Variants in NPIPB8 observed in about 807,000 individuals in gnomAD.
NPIPB8 encodes nuclear pore complex interacting protein family member B8, also known as nuclear pore complex-interacting protein family member B8.
In NPIPB8, 3 loss-of-function variants were observed where a neutral mutation model predicts 5.3. The ratio of observed to expected loss-of-function variants is 0.57; its 90% CI spans 0.26 to 1.47. NPIPB8 has a LOEUF of 1.47. Ranked by LOEUF, NPIPB8 falls within the 40% of genes most tolerant of loss-of-function variation. The pLI, the probability that NPIPB8 is intolerant of heterozygous loss-of-function variation, is 0.13. For synonymous variants in NPIPB8, 18 were observed against 23.0 expected (o/e 0.78, Z 0.62); for missense variants, 50 against 50.2 (o/e 1.00, Z 0.01).
At chr16:28,644,323 G>A (rs1255451038) in intron 2 of NPIPB8, among the ~76,000 whole-genome samples, 15 of 116,244 alleles carry the variant, frequency 1.3e-4, no homozygotes, top group African/African-American at 4.2e-4. Context: ...AATTTGAACC[G>A]GATCCTTTCC....
At chr16:28,645,039 CTTT>C (rs1241912180) in intron 2 of NPIPB8, among the ~76,000 whole-genome samples, 3 of 66,306 alleles carry the variant, frequency 4.5e-5, no homozygotes, top group African/African-American at 2.0e-4. Flanking sequence ...GGTTTGATGA[CTTT>C]TTTTTTTTTT....
At chr16:28,645,568 C>T (rs1596682987) in intron 2 of NPIPB8, among the ~76,000 whole-genome samples, 1 of 1,226 alleles carries the variant, frequency 8.2e-4, no homozygotes, top group East Asian at 6.9e-3. Context: ...CAGACATGTG[C>T]CACCACTCCC....
At chr16:28,639,457 T>TATA (rs1476845046) in intron 2 of NPIPB8, among the ~76,000 whole-genome samples, 108 of 85,262 alleles carry the variant, frequency 1.3e-3, no homozygotes, top group Middle Eastern at 5.3e-3. Context: ...ATATATATAT[T>TATA]TTTTTTTTTT....
chr16:28,642,121 GAC>G (rs1301471309), intron 2 of NPIPB8, among the ~76,000 whole-genome samples: 2 of 146,970 alleles, frequency 1.4e-5, no homozygotes, highest in South Asian at 2.1e-4. Flanking sequence ...TTTTTTTTGA[GAC>G]AGAGTCTCAT....
In NPIPB8 at chr16:28,638,170, T is replaced by C. The variant is rs2047825337; in HGVS notation, c.-39+20T>C. 5.9e-6 allele frequency: 4 copies of C among 681,714 alleles called. No individual in the cohort carries two copies. Among genetic ancestry groups the C allele is most frequent in the Non-Finnish European group, 9.7e-6 (4 of 412,114 alleles). The allele number at this position is 681,714 out of a possible 1,614,324, so 42.2% of individuals were successfully genotyped here. Reference sequence around the variant, plus strand: ...ACTGAGGTTAAAAGGGGTAAAGTAATTTTGCATGGCATGAAGTAGAAATTC... The same window carrying C: ...ACTGAGGTTAAAAGGGGTAAAGTAACTTTGCATGGCATGAAGTAGAAATTC... On this transcript the variant is annotated intron_variant, in intron 1 of 7. Transcript: ENST00000683297.
intron 2 of NPIPB8, among the ~76,000 whole-genome samples, chr16:28,639,425 A>G (rs1175575597): frequency 1.4e-5 from 2 of 140,346 alleles, no homozygotes; most frequent in African/African-American, 2.9e-5. Context: ...AGACACACAC[A>G]CAGACACACA....
chr16:28,653,216 G>T (rs1390374256), intron 5 of NPIPB8, among the ~76,000 whole-genome samples: 2 of 100,258 alleles, frequency 2.0e-5, no homozygotes, highest in African/African-American at 9.3e-5. Flanking sequence ...GGGACTACAG[G>T]CATATGCCAC....
At chr16:28,642,523 C>T (rs1318939700) in intron 2 of NPIPB8, among the ~76,000 whole-genome samples, 5 of 150,810 alleles carry the variant, frequency 3.3e-5, no homozygotes, top group African/African-American at 9.8e-5. Flanking sequence ...CTCGCTCTGT[C>T]GCCTAGGCTG....
chr16:28,643,157 A>G (rs914123609), intron 2 of NPIPB8, among the ~76,000 whole-genome samples: 1 of 150,614 alleles, frequency 6.6e-6, no homozygotes, highest in African/African-American at 2.4e-5. Flanking sequence ...TTAGGAGAGA[A>G]GCTGATGAAC....
rs183966887 is a variant in NPIPB8 at position 28,638,300 on chromosome 16, T to C, written c.-38-23T>C. 24 of 1,547,868 alleles carry C rather than the reference T, an allele frequency of 1.6e-5. No homozygotes were observed. In the East Asian group the frequency reaches 4.5e-4, roughly 29 times the overall value. ...TTGTTTTTCCACTCATTCAACAAACTTTTTTTCTTAATTGTCTAATAGGTT... is the reference window on the plus strand; with the variant it reads ...TTGTTTTTCCACTCATTCAACAAACCTTTTTTCTTAATTGTCTAATAGGTT... On this transcript the variant is annotated intron_variant, in intron 1 of 7. Coordinates refer to ENST00000683297, the MANE Select transcript of NPIPB8 (RefSeq NM_001310136.2).
chr16:28,639,066 CA>C (rs1351798406), intron 2 of NPIPB8, among the ~76,000 whole-genome samples: 14,804 of 99,524 alleles, frequency 0.15, 804 homozygotes, highest in Admixed American at 0.24. Context: ...GAGACTCTGT[CA>C]AAAAAAAAAA....
intron 2 of NPIPB8, among the ~76,000 whole-genome samples, chr16:28,642,325 C>T (rs981960798): frequency 4.0e-5 from 6 of 151,476 alleles, no homozygotes; most frequent in Non-Finnish European, 8.8e-5. Context: ...AGGCTGGTCT[C>T]GAACTCCTAA....
intron 2 of NPIPB8, among the ~76,000 whole-genome samples, chr16:28,639,367 A>C (rs1334632899): frequency 6.7e-6 from 1 of 150,100 alleles, no homozygotes; most frequent in East Asian, 1.9e-4. Context: ...TAATCTCAAA[A>C]ATGATCTTTT....
intron 2 of NPIPB8, among the ~76,000 whole-genome samples, chr16:28,641,223 G>GGT (rs2047890455): frequency 6.6e-6 from 1 of 151,666 alleles, no homozygotes; most frequent in Non-Finnish European, 1.5e-5. Context: ...TGAGGCCCCA[G>GGT]GTGTGAGCCT....
chr16:28,639,906 T>C (rs1428715276), intron 2 of NPIPB8, among the ~76,000 whole-genome samples: 2 of 150,490 alleles, frequency 1.3e-5, no homozygotes, highest in Non-Finnish European at 2.9e-5. Flanking sequence ...CTGCATTGTC[T>C]GAATATTGAC....
intron 2 of NPIPB8, among the ~76,000 whole-genome samples, chr16:28,639,066 C>CAAA (rs1351798406): frequency 1.0e-5 from 1 of 99,676 alleles, no homozygotes; most frequent in African/African-American, 4.4e-5. Context: ...GAGACTCTGT[C>CAAA]AAAAAAAAAA....
In NPIPB8 at chr16:28,651,645, TGA is replaced by T. The variant is rs1167005857; in HGVS notation, c.304-307_304-306del. 4.1e-3 allele frequency among the ~76,000 whole-genome samples: 295 copies of T among 72,532 alleles called. 6 individuals carry two copies. Among genetic ancestry groups the T allele is most frequent in the African/African-American group, 9.2e-3 (107 of 11,692 alleles). The allele number at this position is 72,532 out of a possible 152,430, so 47.6% of individuals were successfully genotyped here. On this transcript the variant is annotated intron_variant, in intron 3 of 7. Transcript: ENST00000683297. Reference sequence around the variant, plus strand: ...GTGTGTGTGTGTGTGTGTGTGTGTGTGAGAGACAGAGTCTCATTCTGTCGCTC... The same window carrying T: ...GTGTGTGTGTGTGTGTGTGTGTGTGTGAGACAGAGTCTCATTCTGTCGCTC...
rs1227071025 is a variant in NPIPB8 at position 28,642,733 on chromosome 16, C to T, written c.120+4253C>T. 3.9e-4 allele frequency among the ~76,000 whole-genome samples: 59 copies of T among 151,738 alleles called. No homozygotes were observed. In the Middle Eastern group the frequency reaches 0.01, roughly 26 times the overall value. ...TCCTGACCTTGTGATCCGCCCACCTCGGCCTCCCAAAGTGCTGGGATTACA... is the reference window on the plus strand; with the variant it reads ...TCCTGACCTTGTGATCCGCCCACCTTGGCCTCCCAAAGTGCTGGGATTACA... On this transcript the variant is annotated intron_variant, in intron 2 of 7. Coordinates refer to ENST00000683297, the MANE Select transcript of NPIPB8 (RefSeq NM_001310136.2).
rs1357884832 is a variant in NPIPB8 at position 28,651,313 on chromosome 16, G to A, written c.304-644G>A. On this transcript the variant is annotated intron_variant, in intron 3 of 7. Coordinates refer to ENST00000683297, the MANE Select transcript of NPIPB8 (RefSeq NM_001310136.2). ...TTTTTTTTTTTTTTTTTTTTTTTGA[G>A]ACAGAGTTTCAATTTTGTTGCCCAG... is the stretch of plus-strand genomic sequence containing the variant. Among the ~76,000 whole-genome samples the A allele has an allele frequency of 2.4e-3, 63 of 26,542 alleles. 1 individual carries two copies. Among genetic ancestry groups the A allele is most frequent in the Admixed American group, 7.0e-3 (21 of 2,982 alleles). 17.4% of individuals were successfully genotyped at this position (26,542 alleles called of 152,430 possible). A position where few individuals can be genotyped will look rare whatever the true frequency, so the allele number is the denominator to read the frequency against.
Sources: gnomAD v4.1 joint callset for allele counts (sites outside exome capture counted in the v4.1 genomes callset) on GRCh38, gnomAD v4.1.1 for gene constraint, MANE v1.5 for transcripts, NCBI Gene and HGNC (gene_info 2026-07-23, HGNC 2026-07-21) for gene names.